ABCC4: variants seen among roughly 807,000 people sequenced by gnomAD.
The protein encoded by ABCC4 is ATP-binding cassette sub-family C member 4.
In ABCC4, 102 loss-of-function variants were observed where a neutral mutation model predicts 168.5. The observed-to-expected ratio is 0.61, with a 90% CI of 0.52 to 0.71. The LOEUF (loss-of-function observed/expected upper bound fraction) is 0.71. ABCC4 is among the 30% of genes least tolerant of loss of function. ABCC4 has a pLI of 0.00. For synonymous variants in ABCC4, 617 were observed against 590.7 expected (o/e 1.04, Z -0.65); for missense variants, 1,402 against 1,605.8 (o/e 0.87, Z 2.17).
In ABCC4 at chr13:95,178,079, A is replaced by C. The variant is rs775043983; in HGVS notation, c.1558T>G (p.Leu520Val). ...ACALKKDLQLLEDGDLTVIGD... is the reference protein window; with the variant it reads ...ACALKKDLQLVEDGDLTVIGD... ...ATCACAGTCAGATCACCATCCTCCA[A>C]CAGCTGTAAATCCTGTATGGACAAA... Residue 520 changes from leucine to valine, a missense_variant, in exon 12 of 31, where the codon TTG (leucine) becomes GTG (valine). Transcript: ENST00000645237. 1.2e-6 allele frequency: 2 copies of C among 1,614,088 alleles called. No homozygotes were observed. Among genetic ancestry groups the C allele is most frequent in the Non-Finnish European group, 1.7e-6 (2 of 1,179,942 alleles).
intron 2 of ABCC4, among the ~76,000 whole-genome samples, chr13:95,247,415 T>A (rs975362750): frequency 6.6e-6 from 1 of 152,122 alleles, no homozygotes; most frequent in African/African-American, 2.4e-5. Flanking sequence ...ACCTCAGGCA[T>A]CTCGGGCCTT....
intron 30 of ABCC4, among the ~76,000 whole-genome samples, chr13:95,028,285 A>G (rs4148543): frequency 0.34 from 51,205 of 152,070 alleles, 8,740 homozygotes; most frequent in East Asian, 0.51. Flanking sequence ...ACAAAGTAGA[A>G]CTAATTAAAC....
chr13:95,254,108 G>T lies in ABCC4; in HGVS notation c.75-6355C>A, dbSNP rs544817197. On this transcript the variant is annotated intron_variant, in intron 1 of 30. Coordinates refer to ENST00000645237, the MANE Select transcript of ABCC4 (RefSeq NM_005845.5). ...AGATAGAGTCTCATTATATTGCCCA[G>T]GCTGGTCTCAAACTCCTGGCCTCAA... Among the ~76,000 whole-genome samples the T allele has an allele frequency of 3.3e-5, 5 of 152,162 alleles. 1 individual carries two copies. The highest frequency in any genetic ancestry group is 1.2e-4 in the African/African-American group (5 of 41,514).
At chr13:95,193,904 T>G (rs1281819748) in intron 9 of ABCC4, among the ~76,000 whole-genome samples, 3 of 152,246 alleles carry the variant, frequency 2.0e-5, no homozygotes, top group African/African-American at 7.2e-5. Flanking sequence ...GGACCATGCC[T>G]CATTACCCTC....
chr13:95,232,940 G>A (rs1381826995), intron 4 of ABCC4, among the ~76,000 whole-genome samples: 2 of 152,108 alleles, frequency 1.3e-5, no homozygotes, highest in Admixed American at 1.3e-4. Context: ...TGCCCTAATG[G>A]GAAAGAAAAT....
intron 20 of ABCC4, among the ~76,000 whole-genome samples, chr13:95,097,974 A>T (rs2034665633): frequency 6.6e-6 from 1 of 151,942 alleles, no homozygotes; most frequent in African/African-American, 2.4e-5. Context: ...CATCTCTACT[A>T]AAAATACAAA....
intron 19 of ABCC4, among the ~76,000 whole-genome samples, chr13:95,140,866 A>G (rs72643605): frequency 0.044 from 6,769 of 152,304 alleles, 217 homozygotes; most frequent in Middle Eastern, 0.13. Context: ...ACAAATATTC[A>G]TCTCCTAAGA....
chr13:95,096,645 G>A (rs1302667198), intron 20 of ABCC4, among the ~76,000 whole-genome samples: 2 of 151,820 alleles, frequency 1.3e-5, no homozygotes, highest in Non-Finnish European at 2.9e-5. Flanking sequence ...ACAATGATGT[G>A]ATATATGTAC....
chr13:95,257,684 GAAAA>G (rs1251484463), intron 1 of ABCC4, among the ~76,000 whole-genome samples: 1 of 149,530 alleles, frequency 6.7e-6, no homozygotes, highest in Non-Finnish European at 1.5e-5. Flanking sequence ...GAAAGAAAAA[GAAAA>G]AAAAAGAAAA....
chr13:95,284,858 TTTG>T (rs2041221267), intron 1 of ABCC4, among the ~76,000 whole-genome samples: 3 of 152,038 alleles, frequency 2.0e-5, no homozygotes. Flanking sequence ...ACCCCAAAGG[TTTG>T]TTATTAGTAT....
rs927738755 is a variant in ABCC4 at position 95,207,727 on chromosome 13, A to T, written c.911+73T>A. ...TCCCATAATGTGAAAACATAGTAAA[A>T]CTTCTAAAACCATCAACAAGAATAG... On this transcript the variant is annotated intron_variant, in intron 7 of 30. Coordinates refer to ENST00000645237, the MANE Select transcript of ABCC4 (RefSeq NM_005845.5). The T allele has an allele frequency of 3.3e-6, 5 of 1,507,152 alleles. No homozygotes were observed. In the African/African-American group the frequency reaches 5.6e-5, roughly 17 times the overall value. The allele number at this position is 1,507,152 out of a possible 1,614,324, so 93.4% of individuals were successfully genotyped here.
intron 20 of ABCC4, among the ~76,000 whole-genome samples, chr13:95,106,188 C>T (rs942261896): frequency 1.3e-5 from 2 of 151,934 alleles, no homozygotes; most frequent in Non-Finnish European, 2.9e-5. Flanking sequence ...ATGTAGACTC[C>T]GACTGCCCTA....
At chr13:95,115,477 G>T (rs75998226) in intron 20 of ABCC4, among the ~76,000 whole-genome samples, 1 of 140,804 alleles carries the variant, frequency 7.1e-6, no homozygotes. Flanking sequence ...TCTTTTCTTT[G>T]TAAGTAACCA....
intron 8 of ABCC4, among the ~76,000 whole-genome samples, chr13:95,196,652 GGAA>G (rs2038446850): frequency 2.5e-4 from 7 of 28,278 alleles, no homozygotes; most frequent in African/African-American, 5.6e-4. Context: ...AAGGAAGGAA[GGAA>G]GGAAGGAAGG....
At chr13:95,245,259 G>T (rs1444918186) in intron 3 of ABCC4, among the ~76,000 whole-genome samples, 1 of 152,244 alleles carries the variant, frequency 6.6e-6, no homozygotes, top group Non-Finnish European at 1.5e-5. Context: ...GGAAACTAGA[G>T]AAATGGAAGT....
intron 21 of ABCC4, among the ~76,000 whole-genome samples, chr13:95,079,050 A>G (rs2034003554): frequency 6.6e-6 from 1 of 152,210 alleles, no homozygotes; most frequent in Non-Finnish European, 1.5e-5. Context: ...TTACCAAGGT[A>G]TAGCAGGAAT....
chr13:95,258,553 AC>A lies in ABCC4; in HGVS notation c.75-10801del, dbSNP rs1188537040. Among the ~76,000 whole-genome samples, 5 of 151,282 alleles carry A rather than the reference AC, an allele frequency of 3.3e-5. No homozygotes were observed. In the East Asian group the frequency reaches 9.8e-4, roughly 30 times the overall value. On this transcript the variant is annotated intron_variant, in intron 1 of 30. Coordinates refer to ENST00000645237, the MANE Select transcript of ABCC4 (RefSeq NM_005845.5). ...TTTACTACAATCTATTTGTGTAGAT[AC>A]AAAAAAATGCACTTAATTACTTTGT...
chr13:95,212,170 C>T (rs1464830663), intron 4 of ABCC4, among the ~76,000 whole-genome samples: 1 of 19,610 alleles, frequency 5.1e-5, no homozygotes, highest in Non-Finnish European at 1.8e-4. Flanking sequence ...GTGAGACTGT[C>T]TCAAAAAAAA....
At chr13:95,081,039 C>T (rs781637370) in intron 21 of ABCC4, among the ~76,000 whole-genome samples, 1 of 147,286 alleles carries the variant, frequency 6.8e-6, no homozygotes, top group Admixed American at 6.8e-5. Flanking sequence ...ATAGTTCCAA[C>T]CAACCAGCCC....
Sources: gnomAD v4.1 joint callset for allele counts (sites outside exome capture counted in the v4.1 genomes callset) on GRCh38, gnomAD v4.1.1 for gene constraint, MANE v1.5 for transcripts, NCBI Gene and HGNC (gene_info 2026-07-23, HGNC 2026-07-21) for gene names.